Variants in LUZP2 observed in about 807,000 individuals in gnomAD.
The protein encoded by LUZP2 is leucine zipper protein 2.
LUZP2 carries 52 observed loss-of-function variants against 51.6 expected under a neutral mutation model. That is an observed-to-expected ratio of 1.01 (90% CI 0.81 to 1.27). LUZP2 has a LOEUF of 1.27. Ranked by LOEUF, LUZP2 falls within the 50% of genes most tolerant of loss-of-function variation. The pLI is 0.00. For missense variants in LUZP2, 436 were observed against 395.4 expected, an observed-to-expected ratio of 1.10 and a Z score of -0.87; for synonymous variants, 154 against 137.3, an observed-to-expected ratio of 1.12 and a Z score of -0.85.
intron 1 of LUZP2, among the ~76,000 whole-genome samples, chr11:24,549,942 CAT>C (rs1851676395): frequency 6.6e-6 from 1 of 151,898 alleles, no homozygotes; most frequent in South Asian, 2.1e-4. Context: ...AAGACACGAC[CAT>C]CATGTCCTAG....
At chr11:24,790,479 T>C (rs1019535390) in intron 5 of LUZP2, among the ~76,000 whole-genome samples, 2 of 151,972 alleles carry the variant, frequency 1.3e-5, no homozygotes, top group Non-Finnish European at 2.9e-5. Context: ...ATCATTCTTC[T>C]TTCATTCTTT....
At chr11:24,580,881 C>A (rs1417073624) in intron 1 of LUZP2, among the ~76,000 whole-genome samples, 1 of 151,896 alleles carries the variant, frequency 6.6e-6, no homozygotes, top group Non-Finnish European at 1.5e-5. Context: ...AGAATTTCTT[C>A]CACTATAAAA....
intron 5 of LUZP2, among the ~76,000 whole-genome samples, chr11:24,858,316 C>A (rs1391689166): frequency 1.3e-5 from 2 of 152,052 alleles, no homozygotes; most frequent in Non-Finnish European, 1.5e-5. Context: ...TGTTTTTCTT[C>A]TTTTTTCCTG....
chr11:24,627,729 A>C (rs1854732210), intron 1 of LUZP2, among the ~76,000 whole-genome samples: 1 of 152,124 alleles, frequency 6.6e-6, no homozygotes, highest in Admixed American at 6.5e-5. Flanking sequence ...CAGTGTTTGA[A>C]GCTGCAGGCC....
chr11:24,695,591 C>A (rs1857221984), intron 1 of LUZP2, among the ~76,000 whole-genome samples: 1 of 151,950 alleles, frequency 6.6e-6, no homozygotes, highest in Non-Finnish European at 1.5e-5. Context: ...AATTTTTTTA[C>A]TCATTTTCTT....
At chr11:24,948,462 A>G (rs1403974079) in intron 7 of LUZP2, among the ~76,000 whole-genome samples, 1 of 151,690 alleles carries the variant, frequency 6.6e-6, no homozygotes, top group Non-Finnish European at 1.5e-5. Flanking sequence ...CTACAATGCC[A>G]TCTGTTTCTT....
intron 7 of LUZP2, among the ~76,000 whole-genome samples, chr11:24,951,096 A>G (rs1021619773): frequency 3.3e-5 from 5 of 151,530 alleles, no homozygotes; most frequent in African/African-American, 1.2e-4. Context: ...GAAGCCCTGA[A>G]CAACATAATA....
intron 1 of LUZP2, among the ~76,000 whole-genome samples, chr11:24,615,140 GAAGT>G (rs1854244034): frequency 6.6e-6 from 1 of 151,440 alleles, no homozygotes; most frequent in Non-Finnish European, 1.5e-5. Flanking sequence ...CATATATGCA[GAAGT>G]AATACAGAGA....
chr11:24,551,965 C>A (rs553723093), intron 1 of LUZP2, among the ~76,000 whole-genome samples: 1 of 151,918 alleles, frequency 6.6e-6, no homozygotes, highest in African/African-American at 2.4e-5. Flanking sequence ...AAACAAAACT[C>A]AGGCAACAGG....
At chr11:24,744,437 G>C (rs531722174) in intron 4 of LUZP2, among the ~76,000 whole-genome samples, 1 of 152,200 alleles carries the variant, frequency 6.6e-6, no homozygotes, top group East Asian at 1.9e-4. Flanking sequence ...TTTAAGCTAG[G>C]AGGGTGGTAT....
At chr11:24,607,481 T>C (rs1590235562) in intron 1 of LUZP2, among the ~76,000 whole-genome samples, 1 of 151,786 alleles carries the variant, frequency 6.6e-6, no homozygotes, top group Non-Finnish European at 1.5e-5. Flanking sequence ...GGCTTTACTC[T>C]GGACTTTTTT....
intron 1 of LUZP2, among the ~76,000 whole-genome samples, chr11:24,511,017 C>A (rs1453496003): frequency 6.6e-6 from 1 of 152,122 alleles, no homozygotes; most frequent in East Asian, 1.9e-4. Flanking sequence ...TGAATACTCC[C>A]CATTTGCTAG....
At chr11:25,050,340 C>A (rs374987562) in intron 10 of LUZP2, among the ~76,000 whole-genome samples, 1 of 110,208 alleles carries the variant, frequency 9.1e-6, no homozygotes, top group South Asian at 3.0e-4. Context: ...CTTGGTCTGT[C>A]GCCCAGGCTG....
At chr11:25,010,479 C>T (rs1366923075) in intron 9 of LUZP2, among the ~76,000 whole-genome samples, 1 of 152,032 alleles carries the variant, frequency 6.6e-6, no homozygotes, top group East Asian at 1.9e-4. Flanking sequence ...ACCAGGGAGG[C>T]AGAGGTTACA....
At chr11:24,585,674 G>GA (rs952915570) in intron 1 of LUZP2, among the ~76,000 whole-genome samples, 1 of 152,002 alleles carries the variant, frequency 6.6e-6, no homozygotes, top group African/African-American at 2.4e-5. Flanking sequence ...GTCTGCTGAA[G>GA]AAAAAACATT....
chr11:24,948,309 C>G (rs1854955565), intron 7 of LUZP2, among the ~76,000 whole-genome samples: 1 of 151,566 alleles, frequency 6.6e-6, no homozygotes. Context: ...TCTCTATTTG[C>G]TAAGACATTG....
chr11:24,898,452 G>A (rs183291249), intron 5 of LUZP2, among the ~76,000 whole-genome samples: 316 of 152,226 alleles, frequency 2.1e-3, no homozygotes, highest in African/African-American at 7.4e-3. Context: ...GTGAAACCCC[G>A]TCTCTACTAA....
chr11:24,957,722 C>T (rs1240849074), intron 7 of LUZP2, among the ~76,000 whole-genome samples: 3 of 152,054 alleles, frequency 2.0e-5, no homozygotes, highest in Non-Finnish European at 2.9e-5. Flanking sequence ...ATATATAACA[C>T]ATTTTCTTTG....
chr11:24,950,699 GA>G (rs1025477224), intron 7 of LUZP2, among the ~76,000 whole-genome samples: 5 of 151,242 alleles, frequency 3.3e-5, no homozygotes, highest in African/African-American at 1.2e-4. Flanking sequence ...TTACCCCAAA[GA>G]AAAAAAGCAC....
Sources: allele counts gnomAD v4.1 joint callset (sites outside exome capture counted in the v4.1 genomes callset), GRCh38; gene constraint gnomAD v4.1.1; transcripts MANE v1.5; gene names NCBI Gene and HGNC (gene_info 2026-07-23, HGNC 2026-07-21).